Variants in FBXL4 observed in about 807,000 individuals in gnomAD.
FBXL4 encodes F-box and leucine rich repeat protein 4, also known as F-box/LRR-repeat protein 4.
FBXL4 carries 40 observed loss-of-function variants against 58.9 expected under a neutral mutation model. The observed-to-expected ratio is 0.68, with a 90% CI of 0.53 to 0.88. The LOEUF is 0.88. Among genes scored for constraint, FBXL4 ranks in the 40% least tolerant of loss-of-function variants. FBXL4 has a pLI of 0.00. For synonymous variants in FBXL4, 263 were observed against 265.5 expected (o/e 0.99, Z 0.09); for missense variants, 676 against 734.4 (o/e 0.92, Z 0.92).
rs1464115670 is a variant in FBXL4, at chr6:98,868,560, TTACTC to T, written c.*5713_*5717del. 2 of 152,082 alleles carry T rather than the reference TTACTC, an allele frequency of 1.3e-5. No individual in the cohort carries two copies. The highest frequency in any genetic ancestry group is 2.4e-5 in the African/African-American group (1 of 41,424). 9.4% of individuals were successfully genotyped at this position (152,082 alleles called of 1,614,324 possible). A position where few individuals can be genotyped will look rare whatever the true frequency, so the allele number is the denominator to read the frequency against. ...TAATGAGATACTCAAACTTATTTTA[TTACTC>T]TAAAGTACAGAATACAAACAACAGA... On this transcript the variant is annotated 3_prime_UTR_variant, in exon 10 of 10. Coordinates refer to ENST00000369244, the MANE Select transcript of FBXL4 (RefSeq NM_001278716.2).
At chr6:98,896,927 C>T (rs1347392009) in intron 7 of FBXL4, 2 of 984,634 alleles carry the variant, frequency 2.0e-6, no homozygotes, top group Admixed American at 6.2e-5. Flanking sequence ...CAGTCTGAAA[C>T]AAATTTAAGA....
intron 7 of FBXL4, among the ~76,000 whole-genome samples, chr6:98,881,193 T>C (rs971345735): frequency 6.6e-6 from 1 of 152,166 alleles, no homozygotes; most frequent in Admixed American, 6.5e-5. Flanking sequence ...AGTAGCAACA[T>C]GCTGACTGAA....
intron 5 of FBXL4, among the ~76,000 whole-genome samples, chr6:98,916,196 G>A (rs1188714915): frequency 6.6e-6 from 1 of 151,214 alleles, no homozygotes; most frequent in Admixed American, 6.6e-5. Context: ...TGGAGAAATA[G>A]GAACACTTTT....
intron 4 of FBXL4, among the ~76,000 whole-genome samples, chr6:98,922,363 A>C (rs1772616334): frequency 6.6e-6 from 1 of 152,222 alleles, no homozygotes; most frequent in Non-Finnish European, 1.5e-5. Flanking sequence ...ACTGGTTTTA[A>C]ATTTTAAATG....
chr6:98,881,758 G>C (rs1293378786), intron 7 of FBXL4, among the ~76,000 whole-genome samples: 1 of 151,874 alleles, frequency 6.6e-6, no homozygotes, highest in African/African-American at 2.4e-5. Flanking sequence ...AACAAAAAAA[G>C]TTTATATTGA....
chr6:98,872,440 T>C lies in FBXL4; in HGVS notation c.*1838A>G, dbSNP rs1770515865. 1 of 152,172 alleles carries C rather than the reference T, an allele frequency of 6.6e-6. No homozygotes were observed. The highest frequency in any genetic ancestry group is 2.1e-4 in the South Asian group (1 of 4,826). The allele number at this position is 152,172 out of a possible 1,614,324, so 9.4% of individuals were successfully genotyped here. ...CATAAAATCTTATTACAGATCAGCA[T>C]TAACAAATGAGTACTTACAATCAAC... On this transcript the variant is annotated 3_prime_UTR_variant, in exon 10 of 10. Coordinates refer to ENST00000369244, the MANE Select transcript of FBXL4 (RefSeq NM_001278716.2).
chr6:98,928,356 GTC>G (rs1045478616), intron 2 of FBXL4, among the ~76,000 whole-genome samples: 62 of 151,210 alleles, frequency 4.1e-4, no homozygotes, highest in African/African-American at 1.5e-3. Flanking sequence ...GAGACAGGGT[GTC>G]TCTCTTGCCG....
intron 7 of FBXL4, chr6:98,897,039 G>A: frequency 1.0e-6 from 1 of 984,546 alleles, no homozygotes; most frequent in Middle Eastern, 5.2e-4. Context: ...ATAGATATAA[G>A]ATGCCTAGCA....
intron 2 of FBXL4, among the ~76,000 whole-genome samples, chr6:98,932,471 T>C (rs1773048152): frequency 6.6e-6 from 1 of 152,136 alleles, no homozygotes; most frequent in African/African-American, 2.4e-5. Context: ...AATAATACAA[T>C]TACAGAGAAA....
intron 7 of FBXL4, among the ~76,000 whole-genome samples, chr6:98,890,179 TTTAATA>T (rs1446949980): frequency 6.6e-6 from 1 of 152,198 alleles, no homozygotes; most frequent in African/African-American, 2.4e-5. Flanking sequence ...GTTGGTTATC[TTTAATA>T]AAGAATGTAA....
chr6:98,922,267 G>T (rs1159284687), intron 4 of FBXL4, among the ~76,000 whole-genome samples: 5 of 152,136 alleles, frequency 3.3e-5, no homozygotes, highest in Admixed American at 1.3e-4. Flanking sequence ...AAGAAATGAG[G>T]AGACTTTAAG....
In FBXL4 at chr6:98,938,908, C is replaced by A. The variant is rs113410791; in HGVS notation, c.-308-4029G>T. 2.1e-3 allele frequency among the ~76,000 whole-genome samples: 320 copies of A among 151,710 alleles called. 3 individuals carry two copies. The highest frequency in any genetic ancestry group is 5.6e-3 in the African/African-American group (232 of 41,380). The stretch of plus-strand genomic sequence containing the variant: ...GACCAGCCTAAGAAACATAGGGAGA[C>A]CCTGCCTCTACAAAAATAAAAAATA... On this transcript the variant is annotated intron_variant, in intron 1 of 9. Coordinates refer to ENST00000369244, the MANE Select transcript of FBXL4 (RefSeq NM_001278716.2).
rs576304466 is a variant in FBXL4, at chr6:98,868,784, C to T, written c.*5494G>A. The T allele has an allele frequency of 1.3e-5, 2 of 152,080 alleles. No homozygotes were observed. Among genetic ancestry groups the T allele is most frequent in the Admixed American group, 6.6e-5 (1 of 15,260 alleles). The allele number at this position is 152,080 out of a possible 1,614,324, so 9.4% of individuals were successfully genotyped here. A position where few individuals can be genotyped will look rare whatever the true frequency, so the allele number is the denominator to read the frequency against. The stretch of plus-strand genomic sequence containing the variant: ...AACTAATACTTCACTAATTACTTTA[C>T]CAAATACATAGATTAAAATATCCCT... On this transcript the variant is annotated 3_prime_UTR_variant, in exon 10 of 10. Transcript: ENST00000369244.
chr6:98,875,553 T>C lies in FBXL4; in HGVS notation c.1564A>G (p.Thr522Ala), dbSNP rs775291550. 1.4e-5 allele frequency: 23 copies of C among 1,613,972 alleles called. No homozygotes were observed. The highest frequency in any genetic ancestry group is 1.8e-5 in the Non-Finnish European group (21 of 1,179,980). ...TGTGCCAGTCTGGTGAAGCACCCGG[T>C]GCTGCTCTGCAGAGTTGGGCACCAG... ...LGWCPTLQSSTGCFTRLAHQL... is the reference protein window; with the variant it reads ...LGWCPTLQSSAGCFTRLAHQL... The change falls in exon 9 of 10, where the codon ACC (threonine) becomes GCC (alanine). Residue 522 changes from threonine (T) to alanine (A), a missense_variant. Physicochemically the swap from Thr to Ala is moderately conservative, Grantham distance 58. Coordinates refer to ENST00000369244, the MANE Select transcript of FBXL4 (RefSeq NM_001278716.2).
intron 9 of FBXL4, 37 bp downstream of exon 9, chr6:98,875,376 AAC>A: frequency 1.3e-6 from 2 of 1,594,796 alleles, no homozygotes; most frequent in Non-Finnish European, 1.7e-6. Context: ...CTGTCAAGGA[AAC>A]AGACATTTAA....
intron 8 of FBXL4, among the ~76,000 whole-genome samples, chr6:98,880,306 G>A (rs1396236411): frequency 6.6e-6 from 1 of 152,152 alleles, no homozygotes; most frequent in Non-Finnish European, 1.5e-5. Context: ...CTGGCTTGAG[G>A]CAGAACTATA....
chr6:98,881,152 C>A (rs1770838800), intron 7 of FBXL4, among the ~76,000 whole-genome samples: 1 of 152,094 alleles, frequency 6.6e-6, no homozygotes, highest in Admixed American at 6.5e-5. Flanking sequence ...TCTTTGCTGA[C>A]AAGGATACCA....
intron 8 of FBXL4, among the ~76,000 whole-genome samples, chr6:98,876,708 T>C (rs749585660): frequency 4.6e-5 from 7 of 152,086 alleles, no homozygotes; most frequent in Non-Finnish European, 8.8e-5. Flanking sequence ...GATCAGAGTG[T>C]CACGGGTTGA....
chr6:98,939,973 G>C (rs1773373615), intron 1 of FBXL4, among the ~76,000 whole-genome samples: 1 of 152,176 alleles, frequency 6.6e-6, no homozygotes, highest in Non-Finnish European at 1.5e-5. Flanking sequence ...CAGTAGTACA[G>C]TATGTACCAC....
Sources: gnomAD v4.1 joint callset for allele counts (sites outside exome capture counted in the v4.1 genomes callset) on GRCh38, gnomAD v4.1.1 for gene constraint, MANE v1.5 for transcripts, NCBI Gene and HGNC (gene_info 2026-07-23, HGNC 2026-07-21) for gene names.